RTN4R: variants seen among roughly 807,000 people sequenced by gnomAD.
RTN4R encodes reticulon 4 receptor.
Under a neutral mutation model 27.7 loss-of-function variants are expected in RTN4R, and 4 were observed. That is an observed-to-expected ratio of 0.14 (90% CI 0.07 to 0.33). RTN4R has a LOEUF of 0.33. Among genes scored for constraint, RTN4R ranks in the 10% least tolerant of loss-of-function variants. RTN4R has a pLI of 1.00. For missense variants in RTN4R, 554 were observed against 671.5 expected (o/e 0.83, Z 1.93); for synonymous variants, 290 against 305.6 (o/e 0.95, Z 0.53).
chr22:20,246,589 C>A (rs74868504), intron 1 of RTN4R, among the ~76,000 whole-genome samples: 2,524 of 152,290 alleles, frequency 0.017, 81 homozygotes, highest in African/African-American at 0.057. Context: ...CAGCAGCTCA[C>A]CCCAGCAGCC....
In RTN4R at chr22:20,241,733, C is replaced by G; in HGVS notation, c.1400G>C (p.Trp467Ser). 6.4e-7 allele frequency: 1 copy of G among 1,550,582 alleles called. No homozygotes were observed. Residue 467 changes from tryptophan (W) to serine (S), a missense_variant, in exon 2 of 2, where the codon TGG (tryptophan) becomes TCG (serine). Coordinates refer to ENST00000043402, the MANE Select transcript of RTN4R (RefSeq NM_023004.6). ...GGGTCAGCAGGGCCCAAGCACTGTCCACAGCACCAGCGCCAGGCCCAGGGG... is the reference window on the plus strand; with the variant it reads ...GGGTCAGCAGGGCCCAAGCACTGTCGACAGCACCAGCGCCAGGCCCAGGGG... Reference protein sequence around the residue: ...LTPLGLALVLWTVLGPC With the variant: ...LTPLGLALVLSTVLGPC
At chr22:20,266,665 G>C (rs1184806836) in intron 1 of RTN4R, among the ~76,000 whole-genome samples, 1 of 152,196 alleles carries the variant, frequency 6.6e-6, no homozygotes, top group Non-Finnish European at 1.5e-5. Context: ...TGGTGGGTAG[G>C]GAGTGGCTGG....
At chr22:20,267,401 G>A (rs574381828) in intron 1 of RTN4R, among the ~76,000 whole-genome samples, 3 of 152,318 alleles carry the variant, frequency 2.0e-5, no homozygotes, top group South Asian at 2.1e-4. Context: ...TGGGGCGGGG[G>A]AGTCCCACGA....
intron 1 of RTN4R, among the ~76,000 whole-genome samples, chr22:20,261,841 G>A (rs558777502): frequency 4.6e-5 from 7 of 152,376 alleles, no homozygotes; most frequent in African/African-American, 1.4e-4. Flanking sequence ...AACTAGGGAC[G>A]GGGGCTTCCC....
At position 20,242,296 on chromosome 22, in the gene RTN4R, G is replaced by T. The variant is rs773883326; in HGVS notation, c.837C>A (p.Arg279=). ...TGCAGGGCACCTCGGAGGAGGAGCC[G>T]CGGAACTTCTGCAGCCAGGCCCAGA... ...RPLWAWLQKF[R]GSSSEVPCSL... is the part of the protein sequence containing the mutation. The change falls in exon 2 of 2, where the codon CGC becomes CGA. Residue 279 remains arginine, a synonymous_variant. Transcript: ENST00000043402. The T allele has an allele frequency of 7.4e-5, 119 of 1,603,928 alleles. No homozygotes were observed. The South Asian group carries it at 9.8e-4, about 13-fold the overall frequency.
chr22:20,260,272 T>C (rs1379621965), intron 1 of RTN4R, among the ~76,000 whole-genome samples: 1 of 152,072 alleles, frequency 6.6e-6, no homozygotes, highest in East Asian at 1.9e-4. Flanking sequence ...TACAGCCCCA[T>C]CCCTCGGGAG....
At chr22:20,252,901 C>T (rs1427206611) in intron 1 of RTN4R, among the ~76,000 whole-genome samples, 4 of 152,164 alleles carry the variant, frequency 2.6e-5, no homozygotes, top group Admixed American at 6.5e-5. Context: ...GAGGCCAGCA[C>T]CTACCTCCCC....
chr22:20,268,304 GC>G lies in RTN4R; in HGVS notation c.-213del, dbSNP rs2051292921. On this transcript the variant is annotated 5_prime_UTR_variant, in exon 1 of 2. Transcript: ENST00000043402. ...GCGCAGGGCGCACAGGGCGAGGGCG[GC>G]GGCGGCGCGGGGGTTGGGGCGTGGG... 32 of 143,072 alleles carry G rather than the reference GC, an allele frequency of 2.2e-4. No individual in the cohort carries two copies. The highest frequency in any genetic ancestry group is 3.6e-4 in the Non-Finnish European group (23 of 64,476). The allele number at this position is 143,072 out of a possible 1,614,324, so 8.9% of individuals were successfully genotyped here. A position where few individuals can be genotyped will look rare whatever the true frequency, so the allele number is the denominator to read the frequency against.
In RTN4R at chr22:20,268,152, T is replaced by C. The variant is rs2145989242; in HGVS notation, c.-60A>G. Reference sequence around the variant, plus strand: ...AGTCGTTTCGGGGCGGGCGCCCGTCTCCCCGCGGCCGGGTCCGCATCCAGG... The same window carrying C: ...AGTCGTTTCGGGGCGGGCGCCCGTCCCCCCGCGGCCGGGTCCGCATCCAGG... On this transcript the variant is annotated 5_prime_UTR_variant, in exon 1 of 2. Transcript: ENST00000043402. 36 of 877,222 alleles carry C rather than the reference T, an allele frequency of 4.1e-5. No homozygotes were observed. Among genetic ancestry groups the C allele is most frequent in the Middle Eastern group, 5.1e-4 (1 of 1,956 alleles). 54.3% of individuals were successfully genotyped at this position (877,222 alleles called of 1,614,324 possible).
At chr22:20,254,149 C>T (rs1015202214) in intron 1 of RTN4R, among the ~76,000 whole-genome samples, 1 of 152,082 alleles carries the variant, frequency 6.6e-6, no homozygotes, top group African/African-American at 2.4e-5. Context: ...CAACACGAAG[C>T]CATGAGCAGC....
intron 1 of RTN4R, among the ~76,000 whole-genome samples, chr22:20,253,746 AT>A (rs1392699669): frequency 6.6e-6 from 1 of 152,192 alleles, no homozygotes; most frequent in Non-Finnish European, 1.5e-5. Flanking sequence ...CTTCCTAGGC[AT>A]AGATGGGGAT....
chr22:20,258,194 C>A (rs1375297298), intron 1 of RTN4R, among the ~76,000 whole-genome samples: 1 of 151,676 alleles, frequency 6.6e-6, no homozygotes, highest in African/African-American at 2.4e-5. Flanking sequence ...CTGAAGCCAG[C>A]ACCACCCGGG....
At position 20,262,163 on chromosome 22, in the gene RTN4R, C is replaced by G. The variant is rs115273511; in HGVS notation, c.22+5908G>C. ...ACTGATTTTGCCTTTGGGGATGGGTCGAGGGAAGAGGCTGAGACTCTGGGC... is the reference window on the plus strand; with the variant it reads ...ACTGATTTTGCCTTTGGGGATGGGTGGAGGGAAGAGGCTGAGACTCTGGGC... On this transcript the variant is annotated intron_variant, in intron 1 of 1. Coordinates refer to ENST00000043402, the MANE Select transcript of RTN4R (RefSeq NM_023004.6). Among the ~76,000 whole-genome samples the G allele has an allele frequency of 8.6e-3, 1,305 of 152,164 alleles. 24 individuals carry two copies. Among genetic ancestry groups the G allele is most frequent in the African/African-American group, 0.03 (1,241 of 41,478 alleles).
chr22:20,265,011 C>G (rs1410095837), intron 1 of RTN4R, among the ~76,000 whole-genome samples: 2 of 152,232 alleles, frequency 1.3e-5, no homozygotes, highest in African/African-American at 2.4e-5. Flanking sequence ...CTCTTGACCC[C>G]TTTCCCAGGT....
At chr22:20,249,340 T>G (rs1181875813) in intron 1 of RTN4R, 1 of 437,222 alleles carries the variant, frequency 2.3e-6, no homozygotes, top group East Asian at 6.8e-5. Context: ...GCCCGCTACC[T>G]GGTGCCTAGC....
At chr22:20,266,762 C>T (rs566701760) in intron 1 of RTN4R, among the ~76,000 whole-genome samples, 1 of 152,380 alleles carries the variant, frequency 6.6e-6, no homozygotes, top group South Asian at 2.1e-4. Flanking sequence ...GATTAGGCCA[C>T]AGCCTGTCTA....
At chr22:20,261,515 G>A (rs114406286) in intron 1 of RTN4R, among the ~76,000 whole-genome samples, 1,576 of 152,308 alleles carry the variant, frequency 0.01, 29 homozygotes, top group African/African-American at 0.034. Flanking sequence ...AGCCACGTGC[G>A]GACAGGGAGG....
intron 1 of RTN4R, among the ~76,000 whole-genome samples, chr22:20,264,876 T>G (rs112535005): frequency 0.042 from 6,362 of 152,246 alleles, 444 homozygotes; most frequent in African/African-American, 0.14. Context: ...TGAACCTCAT[T>G]GATCAGATAG....
At position 20,241,722 on chromosome 22, in the gene RTN4R, C is replaced by T; in HGVS notation, c.1411G>A (p.Gly471Arg). ...GTGTCCGCTGGGGGTCAGCAGGGCCCAAGCACTGTCCACAGCACCAGCGCC... is the reference window on the plus strand; with the variant it reads ...GTGTCCGCTGGGGGTCAGCAGGGCCTAAGCACTGTCCACAGCACCAGCGCC... ...GLALVLWTVL[G>R]PC Residue 471 changes from glycine (G) to arginine (R), a missense_variant, in exon 2 of 2, where the codon GGG (glycine) becomes AGG (arginine). Physicochemically the swap from Gly to Arg is moderately radical, Grantham distance 125. This residue lies in a region of RTN4R where 141 missense variants were observed against 129.2 expected (regional missense o/e 1.09). Coordinates refer to ENST00000043402, the MANE Select transcript of RTN4R (RefSeq NM_023004.6). 6.5e-7 allele frequency: 1 copy of T among 1,550,086 alleles called. No individual in the cohort carries two copies. The highest frequency in any genetic ancestry group is 1.7e-4 in the Middle Eastern group (1 of 5,724).
Sources: gnomAD v4.1 joint callset for allele counts (sites outside exome capture counted in the v4.1 genomes callset) on GRCh38, gnomAD v4.1.1 for gene constraint, gnomAD v4.1.1 regional missense constraint, MANE v1.5 for transcripts, NCBI Gene and HGNC (gene_info 2026-07-23, HGNC 2026-07-21) for gene names.